Variants in ADGRL2 observed in about 807,000 individuals in gnomAD.
ADGRL2 encodes the protein adhesion G protein-coupled receptor L2.
In ADGRL2, 44 loss-of-function variants were observed where a neutral mutation model predicts 157.4. The observed-to-expected ratio is 0.28, with a 90% confidence interval of 0.22 to 0.36. The LOEUF (loss-of-function observed/expected upper bound fraction) is 0.36. Ranked by LOEUF, ADGRL2 falls within the 10% of genes least tolerant of loss-of-function variation. ADGRL2 has a pLI of 1.00. For synonymous variants in ADGRL2, 585 were observed against 624.7 expected, an observed-to-expected ratio of 0.94 and a Z score of 0.95; for missense variants, 1,510 against 1,768.9, an observed-to-expected ratio of 0.85 and a Z score of 2.63.
intron 1 of ADGRL2, among the ~76,000 whole-genome samples, chr1:81,331,538 T>C (rs1023196774): frequency 4.6e-5 from 7 of 152,150 alleles, no homozygotes; most frequent in African/African-American, 7.2e-5. Context: ...CTCAAATAAT[T>C]ATTAGCTATA....
At chr1:81,910,793 T>G (rs2094703058) in intron 3 of ADGRL2, among the ~76,000 whole-genome samples, 1 of 151,856 alleles carries the variant, frequency 6.6e-6, no homozygotes, top group African/African-American at 2.4e-5. Context: ...TTCCCCTTTA[T>G]ATTTCTCAAA....
chr1:81,660,192 A>T (rs1026469418), intron 3 of ADGRL2, among the ~76,000 whole-genome samples: 3 of 152,334 alleles, frequency 2.0e-5, no homozygotes, highest in Non-Finnish European at 4.4e-5. Context: ...GTCTAAGGGG[A>T]TAGATGACAA....
chr1:81,454,856 A>G (rs1337583974), intron 2 of ADGRL2, among the ~76,000 whole-genome samples: 1 of 152,208 alleles, frequency 6.6e-6, no homozygotes, highest in Non-Finnish European at 1.5e-5. Flanking sequence ...ATAAGTTCCC[A>G]TAATTTTAAA....
At chr1:81,615,442 A>G (rs900703703) in intron 3 of ADGRL2, among the ~76,000 whole-genome samples, 1 of 152,140 alleles carries the variant, frequency 6.6e-6, no homozygotes, top group African/African-American at 2.4e-5. Context: ...CACCTTTAAG[A>G]GCTGTAACAC....
At chr1:81,784,370 T>C (rs2149391950) in intron 2 of ADGRL2, among the ~76,000 whole-genome samples, 1 of 152,380 alleles carries the variant, frequency 6.6e-6, no homozygotes, top group African/African-American at 2.4e-5. Flanking sequence ...GTATTTACCA[T>C]ATTCTTGACT....
chr1:81,443,188 A>C (rs1197947568), intron 1 of ADGRL2, among the ~76,000 whole-genome samples: 4 of 152,194 alleles, frequency 2.6e-5, no homozygotes, highest in Non-Finnish European at 5.9e-5. Context: ...TGGGAGGCCA[A>C]TGTGGGTGGA....
chr1:81,761,656 CAT>C (rs2085885849), intron 1 of ADGRL2, among the ~76,000 whole-genome samples: 1 of 151,988 alleles, frequency 6.6e-6, no homozygotes, highest in African/African-American at 2.4e-5. Context: ...TGTTCATAGT[CAT>C]ATAATATATG....
At chr1:81,907,921 TG>T (rs1197944987) in intron 3 of ADGRL2, among the ~76,000 whole-genome samples, 3 of 152,212 alleles carry the variant, frequency 2.0e-5, no homozygotes, top group African/African-American at 7.2e-5. Flanking sequence ...GACTACTTTT[TG>T]GTTAGTGATG....
At position 81,981,957 on chromosome 1, in the gene ADGRL2, A is replaced by T; in HGVS notation, c.3263A>T (p.His1088Leu). Reference sequence around the variant, plus strand: ...CAGGGAGTGTTCATTTTCATCTTTCACTGTGCTCTCCAAAAGAAAGTAAGT... The same window carrying T: ...CAGGGAGTGTTCATTTTCATCTTTCTCTGTGCTCTCCAAAAGAAAGTAAGT... Reference protein sequence around the residue: ...AFQGVFIFIFHCALQKKVRKE... With the variant: ...AFQGVFIFIFLCALQKKVRKE... Residue 1088 changes from histidine to leucine, a missense_variant, in exon 19 of 24, where the codon CAC becomes CTC. His to Leu is a moderately conservative substitution (Grantham distance 99, BLOSUM62 -3). Around this residue, in one of 4 missense-constraint regions of ADGRL2, gnomAD observed 497 missense variants for 627.2 expected, o/e 0.79. Transcript: ENST00000686636. The T allele has an allele frequency of 1.9e-6, 3 of 1,611,666 alleles. No individual in the cohort carries two copies. The highest frequency in any genetic ancestry group is 2.5e-6 in the Non-Finnish European group (3 of 1,178,690).
At chr1:81,497,638 T>G (rs1301510052) in intron 2 of ADGRL2, among the ~76,000 whole-genome samples, 18 of 152,220 alleles carry the variant, frequency 1.2e-4, no homozygotes. Flanking sequence ...CTGTGTGACT[T>G]TAAGCAAGTT....
chr1:81,680,157 G>T (rs1468513203), intron 3 of ADGRL2, among the ~76,000 whole-genome samples: 1 of 152,138 alleles, frequency 6.6e-6, no homozygotes, highest in Admixed American at 6.5e-5. Context: ...TATCTAAGTG[G>T]CCCAGTCCAC....
At chr1:81,670,652 ATTACAAAAAAATTTTT>A (rs1022685757) in intron 3 of ADGRL2, among the ~76,000 whole-genome samples, 3 of 152,234 alleles carry the variant, frequency 2.0e-5, no homozygotes, top group Non-Finnish European at 4.4e-5. Flanking sequence ...GGGAGAAGGA[ATTACAAAAAAATTTTT>A]TTCCAAACAT....
intron 2 of ADGRL2, among the ~76,000 whole-genome samples, chr1:81,763,076 G>T (rs967778690): frequency 1.5e-5 from 2 of 133,330 alleles, no homozygotes; most frequent in Non-Finnish European, 3.2e-5. Flanking sequence ...AAGGAAAAAA[G>T]ACACAAAAGG....
chr1:81,385,406 GA>G (rs1411410413), intron 1 of ADGRL2, among the ~76,000 whole-genome samples: 1 of 152,068 alleles, frequency 6.6e-6, no homozygotes, highest in Non-Finnish European at 1.5e-5. Flanking sequence ...CTGCATTTGT[GA>G]AATGTGAAAA....
rs114443069 is a variant in ADGRL2 at position 81,436,806 on chromosome 1, G to A, written c.-301-8230G>A. 3.8e-3 allele frequency among the ~76,000 whole-genome samples: 583 copies of A among 152,306 alleles called. 1 individual carries two copies. The highest frequency in any genetic ancestry group is 0.017 in the Middle Eastern group (5 of 294). On this transcript the variant is annotated intron_variant, in intron 1 of 24. Coordinates refer to the ADGRL2 transcript ENST00000370721. ...GTTGTCACCTATCAGGACCTGATTGGATCCAATTATATAGGGCTTCATCTC... is the reference window on the plus strand; with the variant it reads ...GTTGTCACCTATCAGGACCTGATTGAATCCAATTATATAGGGCTTCATCTC...
chr1:81,635,164 C>T (rs889434074), intron 3 of ADGRL2, among the ~76,000 whole-genome samples: 5 of 152,132 alleles, frequency 3.3e-5, no homozygotes, highest in South Asian at 2.1e-4. Flanking sequence ...AATGAGCCTC[C>T]GTCATCCACA....
chr1:81,717,054 TATTAGC>T (rs985611484), intron 1 of ADGRL2, among the ~76,000 whole-genome samples: 8 of 152,236 alleles, frequency 5.3e-5, no homozygotes, highest in African/African-American at 1.9e-4. Flanking sequence ...GAAATCTTGT[TATTAGC>T]ATACATGAGC....
At chr1:81,319,388 A>G (rs1046372434) in intron 1 of ADGRL2, among the ~76,000 whole-genome samples, 1 of 152,210 alleles carries the variant, frequency 6.6e-6, no homozygotes, top group African/African-American at 2.4e-5. Context: ...ACAAAGCAAC[A>G]TAATCTTAAA....
intron 2 of ADGRL2, among the ~76,000 whole-genome samples, chr1:81,533,484 T>C (rs1327364075): frequency 6.6e-6 from 1 of 152,226 alleles, no homozygotes; most frequent in Non-Finnish European, 1.5e-5. Flanking sequence ...GTCTTCCACT[T>C]TACCTACTCA....
Sources: gnomAD v4.1 joint callset for allele counts (sites outside exome capture counted in the v4.1 genomes callset) on GRCh38, gnomAD v4.1.1 for gene constraint, gnomAD v4.1.1 regional missense constraint, MANE v1.5 for transcripts, NCBI Gene and HGNC (gene_info 2026-07-23, HGNC 2026-07-21) for gene names.